The following RAPGEF4 variants were observed in gnomAD, a reference collection of about 807,000 sequenced individuals.
RAPGEF4 encodes the protein RAP guanine-nucleotide-exchange factor (GEF) 4.
In RAPGEF4, 66 loss-of-function variants were observed where a neutral mutation model predicts 147.9. The observed-to-expected ratio is 0.45, with a 90% CI of 0.37 to 0.55. The LOEUF is 0.55. Among genes scored for constraint, RAPGEF4 ranks in the 20% least tolerant of loss-of-function variants. RAPGEF4 has a pLI of 0.00. For synonymous variants in RAPGEF4, 419 were observed against 442.7 expected, an observed-to-expected ratio of 0.95 and a Z score of 0.67; for missense variants, 1,071 against 1,257.3, an observed-to-expected ratio of 0.85 and a Z score of 2.24.
chr2:172,963,192 C>G (rs1689478164), intron 8 of RAPGEF4, among the ~76,000 whole-genome samples: 1 of 152,136 alleles, frequency 6.6e-6, no homozygotes, highest in Non-Finnish European at 1.5e-5. Flanking sequence ...CCAATCACCT[C>G]CCACCAGGCC....
chr2:172,828,184 A>G (rs1689888771), intron 4 of RAPGEF4, among the ~76,000 whole-genome samples: 1 of 152,198 alleles, frequency 6.6e-6, no homozygotes, highest in African/African-American at 2.4e-5. Flanking sequence ...GGGTGCATAC[A>G]GGAGCTAGAG....
At chr2:172,834,747 T>C (rs1690737466) in intron 4 of RAPGEF4, among the ~76,000 whole-genome samples, 2 of 152,284 alleles carry the variant, frequency 1.3e-5, no homozygotes, top group Admixed American at 6.5e-5. Context: ...CTTTGAAAAA[T>C]GAGAACCTCT....
At chr2:172,812,134 A>G (rs1022246878) in intron 3 of RAPGEF4, among the ~76,000 whole-genome samples, 4 of 152,188 alleles carry the variant, frequency 2.6e-5, no homozygotes, top group African/African-American at 9.6e-5. Flanking sequence ...TTCCAGTCCT[A>G]CTTTTAAGAT....
chr2:172,911,461 C>G (rs1025258763), intron 4 of RAPGEF4, among the ~76,000 whole-genome samples: 1 of 151,796 alleles, frequency 6.6e-6, no homozygotes, highest in Non-Finnish European at 1.5e-5. Context: ...GCTTTTCTGC[C>G]TTTTTTGTTT....
At chr2:172,908,486 T>A (rs941957389) in intron 4 of RAPGEF4, among the ~76,000 whole-genome samples, 1 of 152,234 alleles carries the variant, frequency 6.6e-6, no homozygotes, top group Non-Finnish European at 1.5e-5. Flanking sequence ...ACCACAACCA[T>A]AGAAGTCATC....
At chr2:172,750,335 A>T (rs550685867) in intron 1 of RAPGEF4, among the ~76,000 whole-genome samples, 6 of 152,194 alleles carry the variant, frequency 3.9e-5, no homozygotes, top group African/African-American at 7.2e-5. Flanking sequence ...AGGCCTCACA[A>T]TCATGGCAGA....
chr2:173,009,772 G>A (rs1462582868), intron 17 of RAPGEF4, among the ~76,000 whole-genome samples: 2 of 152,158 alleles, frequency 1.3e-5, no homozygotes, highest in African/African-American at 2.4e-5. Context: ...ATGGGATCTC[G>A]TTCAGGTATT....
intron 4 of RAPGEF4, among the ~76,000 whole-genome samples, chr2:172,915,258 T>G (rs1194525327): frequency 6.6e-6 from 1 of 152,214 alleles, no homozygotes; most frequent in Non-Finnish European, 1.5e-5. Context: ...AGCAATGACA[T>G]GAATGAAACA....
intron 6 of RAPGEF4, among the ~76,000 whole-genome samples, chr2:172,952,704 T>G (rs879909201): frequency 2.0e-5 from 3 of 152,220 alleles, no homozygotes; most frequent in Admixed American, 2.0e-4. Context: ...TCTCTAAAGT[T>G]ACCATTTTAT....
chr2:173,032,396 G>T (rs1232822317), intron 26 of RAPGEF4, among the ~76,000 whole-genome samples: 1 of 152,130 alleles, frequency 6.6e-6, no homozygotes, highest in Non-Finnish European at 1.5e-5. Flanking sequence ...ATAAATAATA[G>T]TATTAAGAAT....
intron 1 of RAPGEF4, among the ~76,000 whole-genome samples, chr2:172,776,449 C>G (rs1159425697): frequency 6.6e-6 from 1 of 152,134 alleles, no homozygotes; most frequent in Non-Finnish European, 1.5e-5. Context: ...ATATTTTAGA[C>G]TTTTGGGCGT....
chr2:172,795,011 T>G lies in RAPGEF4; in HGVS notation c.66-14T>G. 1 of 1,589,862 alleles carries G rather than the reference T, an allele frequency of 6.3e-7. No individual in the cohort carries two copies. Among genetic ancestry groups the G allele is most frequent in the Non-Finnish European group, 8.6e-7 (1 of 1,166,956 alleles). On this transcript the variant is annotated splice_polypyrimidine_tract_variant and intron_variant, in intron 1 of 30. Coordinates refer to ENST00000397081, the MANE Select transcript of RAPGEF4 (RefSeq NM_007023.4). ...TTTACTGACATAGCTTTTGTGCCTT[T>G]TCTCCCTATACAGACCACTGGAGCG...
chr2:172,989,605 G>C (rs1692625105), intron 14 of RAPGEF4, among the ~76,000 whole-genome samples: 1 of 152,296 alleles, frequency 6.6e-6, no homozygotes, highest in South Asian at 2.1e-4. Context: ...TTGTCCCTGG[G>C]AGGGATGACT....
At chr2:172,872,678 C>A (rs569568389) in intron 4 of RAPGEF4, among the ~76,000 whole-genome samples, 1 of 152,202 alleles carries the variant, frequency 6.6e-6, no homozygotes, top group South Asian at 2.1e-4. Flanking sequence ...CTCTCTCTTT[C>A]CTGCTCCACC....
intron 2 of RAPGEF4, 63 bp from the exon 3 acceptor site, chr2:172,797,462 G>T: frequency 1.1e-5 from 14 of 1,330,612 alleles, no homozygotes; most frequent in South Asian, 1.3e-5. Flanking sequence ...TGAAAAACTG[G>T]CAGATCATAT....
At chr2:172,781,078 A>G (rs1684637315) in intron 1 of RAPGEF4, among the ~76,000 whole-genome samples, 2 of 152,214 alleles carry the variant, frequency 1.3e-5, no homozygotes, top group Non-Finnish European at 2.9e-5. Context: ...TTGAAACTCA[A>G]CAGTATTTTA....
At chr2:172,821,562 T>C (rs1689060609) in intron 4 of RAPGEF4, 51 of 987,496 alleles carry the variant, frequency 5.2e-5, no homozygotes, top group Non-Finnish European at 6.0e-5. Flanking sequence ...CTGGTTCTCT[T>C]GTCTCTCTCC....
intron 12 of RAPGEF4, among the ~76,000 whole-genome samples, chr2:172,987,920 T>C (rs1489851084): frequency 2.0e-5 from 3 of 152,228 alleles, no homozygotes; most frequent in Non-Finnish European, 4.4e-5. Flanking sequence ...GTGGAAGAAA[T>C]GTGTATGGCT....
chr2:172,984,526 T>G (rs2676521), intron 11 of RAPGEF4, among the ~76,000 whole-genome samples: 95,742 of 152,090 alleles, frequency 0.63, 30,638 homozygotes, highest in East Asian at 0.89. Flanking sequence ...CTGAGGGTCT[T>G]GAGACTTGCT....
Sources: allele counts gnomAD v4.1 joint callset (sites outside exome capture counted in the v4.1 genomes callset), GRCh38; gene constraint gnomAD v4.1.1; transcripts MANE v1.5; gene names NCBI Gene and HGNC (gene_info 2026-07-23, HGNC 2026-07-21).